Variants in SERPINC1 observed in about 807,000 individuals in gnomAD.
SERPINC1 encodes the protein serpin family C member 1, also known as antithrombin-III.
Under a neutral mutation model 43.4 loss-of-function variants are expected in SERPINC1, and 12 were observed. The observed-to-expected ratio is 0.28, with a 90% CI of 0.18 to 0.45. The LOEUF (loss-of-function observed/expected upper bound fraction) is 0.45, where lower values mean the gene tolerates loss of function less well. Among genes scored for constraint, SERPINC1 ranks in the 20% least tolerant of loss-of-function variants. The pLI, the probability that SERPINC1 is intolerant of heterozygous loss-of-function variation, is 1.00. For missense variants in SERPINC1, 423 were observed against 578.8 expected, an observed-to-expected ratio of 0.73 and a Z score of 2.76; for synonymous variants, 210 against 218.9, an observed-to-expected ratio of 0.96 and a Z score of 0.36.
intron 6 of SERPINC1, among the ~76,000 whole-genome samples, chr1:173,905,228 C>T (rs1657443996): frequency 6.6e-6 from 1 of 152,210 alleles, no homozygotes; most frequent in African/African-American, 2.4e-5. Flanking sequence ...AGGGTGTGAG[C>T]AGTGTCATCT....
chr1:173,914,828 G>A lies in SERPINC1; in HGVS notation c.133C>T (p.Arg45Trp), dbSNP rs768704768. The A allele has an allele frequency of 6.2e-6, 10 of 1,614,096 alleles. No homozygotes were observed. The highest frequency in any genetic ancestry group is 3.3e-5 in the Admixed American group (2 of 60,014). The change falls in exon 2 of 7, where the codon CGG becomes TGG. Residue 45 changes from arginine to tryptophan, a missense_variant. Physicochemically the swap from Arg to Trp is moderately radical, Grantham distance 101. Coordinates refer to ENST00000367698, the MANE Select transcript of SERPINC1 (RefSeq NM_000488.4). ...CACATGGGATTCATGGGAATGTCCC[G>A]CGGCTTGGCTGTGCAGATGTCCACA... ...SPVDICTAKP[R>W]DIPMNPMCIY...
At chr1:173,909,465 C>A in intron 5 of SERPINC1, 87 bp downstream of exon 5, 1 of 1,414,252 alleles carries the variant, frequency 7.1e-7, no homozygotes, top group Non-Finnish European at 9.9e-7. Context: ...TGACTTGTTG[C>A]TCCTTTCTAT....
Position 173,909,573 on chromosome 1 carries a change from G to T in SERPINC1, c.1132C>A (p.Pro378Thr). The change falls in exon 5 of 7, where the codon CCT (proline) becomes ACT (threonine). Residue 378 changes from proline (P) to threonine (T), a missense_variant. By Grantham distance (38) the Pro-to-Thr change is conservative. Coordinates refer to ENST00000367698, the MANE Select transcript of SERPINC1 (RefSeq NM_000488.4). ...QDMGLVDLFSPEKSKLPGIVA... is the reference protein window; with the variant it reads ...QDMGLVDLFSTEKSKLPGIVA... ...AAACCTGGGAGTTTGGACTTTTCAGGGCTGAACAGATCGACAAGGCCCATG... is the reference window on the plus strand; with the variant it reads ...AAACCTGGGAGTTTGGACTTTTCAGTGCTGAACAGATCGACAAGGCCCATG... The T allele has an allele frequency of 6.2e-7, 1 of 1,613,922 alleles. No homozygotes were observed.
At position 173,904,023 on chromosome 1, in the gene SERPINC1, C is replaced by G; in HGVS notation, c.1261G>C (p.Val421Leu). The part of the protein sequence containing the change: ...GSEAAASTAV[V>L]IAGRSLNPNR... The stretch of plus-strand genomic sequence containing the variant: ...GGGTTTAGCGAACGGCCAGCAATCA[C>G]AACAGCGGTACTTGCAGCTGCTTCA... Residue 421 changes from valine (V) to leucine (L), a missense_variant, in exon 7 of 7, where the codon GTG (valine) becomes CTG (leucine). Physicochemically the swap from Val to Leu is conservative, Grantham distance 32. Transcript: ENST00000367698. 1 of 1,614,240 alleles carries G rather than the reference C, an allele frequency of 6.2e-7. No homozygotes were observed. The highest frequency in any genetic ancestry group is 1.1e-5 in the South Asian group (1 of 91,086).
rs758087836 is a variant in SERPINC1, at chr1:173,909,900, C to T, written c.805G>A (p.Glu269Lys). Residue 269 changes from glutamate to lysine, a missense_variant, in exon 5 of 7, where the codon GAA becomes AAA. Coordinates refer to ENST00000367698, the MANE Select transcript of SERPINC1 (RefSeq NM_000488.4). ...TCTCCATCAGCCTTGTAGAACAGTT[C>T]CTTCCTTGTGTTCTCAGGGCTGAAC... ...SKFSPENTRKELFYKADGESC... is the reference protein window; with the variant it reads ...SKFSPENTRKKLFYKADGESC... The T allele has an allele frequency of 2.5e-5, 40 of 1,614,084 alleles. No individual in the cohort carries two copies. Among genetic ancestry groups the T allele is most frequent in the Non-Finnish European group, 3.3e-5 (39 of 1,180,042 alleles).
chr1:173,908,021 A>C (rs1441942820), intron 5 of SERPINC1, among the ~76,000 whole-genome samples: 1 of 147,942 alleles, frequency 6.8e-6, no homozygotes, highest in Non-Finnish European at 1.5e-5. Context: ...TAATAATAAT[A>C]ATAATAAAAG....
At position 173,914,698 on chromosome 1, in the gene SERPINC1, G is replaced by C. The variant is rs775520108; in HGVS notation, c.263C>G (p.Ser88Cys). ...CTGATAGAAAGTGGTAGCAAAGCGG[G>C]AATTGGCCTTGGACAGTTCCCAGAC... ...RRVWELSKAN[S>C]RFATTFYQHL... The change falls in exon 2 of 7, where the codon TCC becomes TGC. Residue 88 changes from serine to cysteine, a missense_variant. Transcript: ENST00000367698. The C allele has an allele frequency of 1.2e-6, 2 of 1,614,234 alleles. No individual in the cohort carries two copies. The highest frequency in any genetic ancestry group is 3.3e-5 in the Admixed American group (2 of 60,034).
At chr1:173,914,076 T>C (rs1657886035) in intron 2 of SERPINC1, among the ~76,000 whole-genome samples, 1 of 115,662 alleles carries the variant, frequency 8.6e-6, no homozygotes, top group Non-Finnish European at 1.6e-5. Context: ...AGATTCCATC[T>C]CAAAAAAAAA....
chr1:173,913,133 C>G (rs1657841108), intron 2 of SERPINC1, among the ~76,000 whole-genome samples: 6 of 152,188 alleles, frequency 3.9e-5, no homozygotes. Context: ...GTCCAAGTTT[C>G]AAATAAGCAC....
In SERPINC1 at chr1:173,914,745, G is replaced by A. The variant is rs1572091981; in HGVS notation, c.216C>T (p.Ile72=). 6.2e-7 allele frequency: 1 copy of A among 1,614,258 alleles called. No homozygotes were observed. Among genetic ancestry groups the A allele is most frequent in the Non-Finnish European group, 8.5e-7 (1 of 1,180,054 alleles). Residue 72 remains isoleucine (I), a synonymous_variant, in exon 2 of 7, where the codon ATC becomes ATT. Transcript: ENST00000367698. ...ATEDEGSEQK[I]PEATNRRVWE... ...AGACACGCCGGTTGGTGGCCTCCGG[G>A]ATCTTCTGTTCTGAGCCCTCATCCT...
chr1:173,904,019 A>G lies in SERPINC1; in HGVS notation c.1265T>C (p.Ile422Thr), dbSNP rs772809607. Residue 422 changes from isoleucine to threonine, a missense_variant, in exon 7 of 7, where the codon ATT becomes ACT. Coordinates refer to ENST00000367698, the MANE Select transcript of SERPINC1 (RefSeq NM_000488.4). ...GTTGGGGTTTAGCGAACGGCCAGCA[A>G]TCACAACAGCGGTACTTGCAGCTGC... The part of the protein sequence containing the change: ...SEAAASTAVV[I>T]AGRSLNPNRV... 3.2e-5 allele frequency: 51 copies of G among 1,614,134 alleles called. No individual in the cohort carries two copies. In the Admixed American group the frequency reaches 5.8e-4, roughly 18 times the overall value.
intron 5 of SERPINC1, among the ~76,000 whole-genome samples, chr1:173,907,983 A>AT (rs1287190198): frequency 8.7e-6 from 1 of 114,646 alleles, no homozygotes; most frequent in African/African-American, 3.8e-5. Flanking sequence ...CTGCATCTCA[A>AT]AAATAATAAT....
At chr1:173,909,422 G>A (rs1166347839) in intron 5 of SERPINC1, 130 bp downstream of exon 5, 3 of 904,728 alleles carry the variant, frequency 3.3e-6, no homozygotes, top group East Asian at 2.5e-5. Flanking sequence ...CCACAAATTA[G>A]CAGTAGAAAC....
chr1:173,907,694 T>C (rs1437177778), intron 5 of SERPINC1, among the ~76,000 whole-genome samples, 180 bp from the exon 6 acceptor site: 5 of 152,062 alleles, frequency 3.3e-5, no homozygotes, highest in African/African-American at 1.2e-4. Context: ...TAAAGTACTT[T>C]GGGGGCTGGG....
intron 3 of SERPINC1, 83 bp downstream of exon 3, chr1:173,911,716 A>T: frequency 9.0e-7 from 1 of 1,115,814 alleles, no homozygotes; most frequent in Admixed American, 1.7e-5. Flanking sequence ...AAGCAGTGTG[A>T]ATTTGGATGC....
chr1:173,904,006 C>T lies in SERPINC1; in HGVS notation c.1278G>A (p.Ser426=), dbSNP rs773792958. 6.2e-6 allele frequency: 10 copies of T among 1,614,056 alleles called. No homozygotes were observed. The South Asian group carries it at 7.7e-5, about 12-fold the overall frequency. ...ASTAVVIAGR[S]LNPNRVTFKA... ...TGAAAGTCACCCTGTTGGGGTTTAG[C>T]GAACGGCCAGCAATCACAACAGCGG... Residue 426 remains serine, a synonymous_variant, in exon 7 of 7, where the codon TCG becomes TCA. Coordinates refer to ENST00000367698, the MANE Select transcript of SERPINC1 (RefSeq NM_000488.4).
At chr1:173,906,662 T>C (rs1657530093) in intron 6 of SERPINC1, among the ~76,000 whole-genome samples, 1 of 152,020 alleles carries the variant, frequency 6.6e-6, no homozygotes, top group Non-Finnish European at 1.5e-5. Flanking sequence ...AAGATTTTTT[T>C]GGTAGAGACA....
intron 2 of SERPINC1, among the ~76,000 whole-genome samples, 168 bp from the exon 3 acceptor site, chr1:173,912,182 A>G (rs1657798558): frequency 6.6e-6 from 1 of 152,204 alleles, no homozygotes; most frequent in South Asian, 2.1e-4. Context: ...TCTGATGAAT[A>G]AAAGGATAAA....
At chr1:173,905,647 G>C (rs1234508763) in intron 6 of SERPINC1, among the ~76,000 whole-genome samples, 2 of 152,068 alleles carry the variant, frequency 1.3e-5, no homozygotes, top group East Asian at 3.9e-4. Context: ...CTTGAACCCA[G>C]GAGGCGGAGG....
Sources: gnomAD v4.1 joint callset for allele counts (sites outside exome capture counted in the v4.1 genomes callset) on GRCh38, gnomAD v4.1.1 for gene constraint, MANE v1.5 for transcripts, NCBI Gene and HGNC (gene_info 2026-07-23, HGNC 2026-07-21) for gene names.